Variants in NMBR observed in about 807,000 individuals in gnomAD.
NMBR encodes neuromedin-B receptor.
Under a neutral mutation model 20.5 loss-of-function variants are expected in NMBR, and 16 were observed. The observed-to-expected ratio is 0.78, with a 90% CI of 0.53 to 1.19. The LOEUF is 1.19. NMBR is among the 50% of genes most tolerant of loss of function. The pLI, the probability that NMBR is intolerant of heterozygous loss-of-function variation, is 0.00. For missense variants in NMBR, 582 were observed against 499.1 expected, an observed-to-expected ratio of 1.17 and a Z score of -1.58; for synonymous variants, 212 against 196.6, an observed-to-expected ratio of 1.08 and a Z score of -0.65.
At chr6:142,096,130 G>A (rs1303125025) in intron 1 of NMBR, among the ~76,000 whole-genome samples, 22 of 151,904 alleles carry the variant, frequency 1.4e-4, no homozygotes, top group Admixed American at 3.9e-4. Context: ...TTTTTTGAAG[G>A]GTTTTTTGTG....
rs572193672 is a variant in NMBR at position 142,082,467 on chromosome 6, G to A, written c.423-3564C>T. ...AGTCTAATCTAATGATGCCTAAGACGCATCAATATTCAGAAACACATAGAG... is the reference window on the plus strand; with the variant it reads ...AGTCTAATCTAATGATGCCTAAGACACATCAATATTCAGAAACACATAGAG... On this transcript the variant is annotated intron_variant, in intron 2 of 3. Transcript: ENST00000258042. 5.3e-5 allele frequency among the ~76,000 whole-genome samples: 8 copies of A among 152,256 alleles called. No homozygotes were observed. The East Asian group carries it at 9.7e-4, about 18-fold the overall frequency.
At chr6:142,077,149 G>A (rs1156811258) in intron 3 of NMBR, among the ~76,000 whole-genome samples, 1 of 152,170 alleles carries the variant, frequency 6.6e-6, no homozygotes, top group Non-Finnish European at 1.5e-5. Flanking sequence ...GACCATGAGT[G>A]CAAGAATGTC....
At chr6:142,076,731 T>C (rs11965265) in intron 3 of NMBR, among the ~76,000 whole-genome samples, 4,074 of 152,316 alleles carry the variant, frequency 0.027, 202 homozygotes, top group African/African-American at 0.092. Flanking sequence ...TCAATACTTT[T>C]TAATCTAAAA....
Position 142,076,031 on chromosome 6 carries a change from G to A in NMBR, c.790C>T (p.Leu264=), listed in dbSNP as rs780187314. ...TKKQMETRKR[L]AKIVLVFVGC... is the part of the protein sequence containing the mutation. ...ACAAAGACAAGCACAATTTTAGCCAGGCGTTTCCGTGTTTCCATCTGCAAA... is the reference window on the plus strand; with the variant it reads ...ACAAAGACAAGCACAATTTTAGCCAAGCGTTTCCGTGTTTCCATCTGCAAA... The change falls in exon 4 of 4, where the codon CTG becomes TTG. Residue 264 remains leucine (L), a synonymous_variant. Coordinates refer to ENST00000258042, the MANE Select transcript of NMBR (RefSeq NM_002511.4). 1 of 1,583,930 alleles carries A rather than the reference G, an allele frequency of 6.3e-7. No homozygotes were observed. Among genetic ancestry groups the A allele is most frequent in the African/African-American group, 1.4e-5 (1 of 73,282 alleles).
chr6:142,094,814 C>A (rs941085852), intron 1 of NMBR, among the ~76,000 whole-genome samples: 2 of 152,096 alleles, frequency 1.3e-5, no homozygotes, highest in Non-Finnish European at 2.9e-5. Flanking sequence ...TCTTTGTATC[C>A]TCTTTTATTT....
intron 1 of NMBR, among the ~76,000 whole-genome samples, chr6:142,114,320 T>A (rs1418563942): frequency 6.6e-6 from 1 of 152,166 alleles, no homozygotes; most frequent in Non-Finnish European, 1.5e-5. Context: ...TCATTTTTTT[T>A]AAATAACTAG....
At chr6:142,121,125 T>A (rs1226576685) in intron 1 of NMBR, among the ~76,000 whole-genome samples, 1 of 151,958 alleles carries the variant, frequency 6.6e-6, no homozygotes, top group East Asian at 1.9e-4. Context: ...GATACTACTG[T>A]AATTTTTTCA....
chr6:142,126,757 A>ATTTTTTTTTTTTTTTTTTTT (rs34631481), intron 1 of NMBR, among the ~76,000 whole-genome samples: 1 of 51,362 alleles, frequency 1.9e-5, no homozygotes, highest in African/African-American at 8.2e-5. Flanking sequence ...TATTTGAGGG[A>ATTTTTTTTTTTTTTTTTTTT]TTTTTTTTTT....
At chr6:142,118,968 C>T (rs780794978) in intron 1 of NMBR, among the ~76,000 whole-genome samples, 1 of 151,948 alleles carries the variant, frequency 6.6e-6, no homozygotes, top group African/African-American at 2.4e-5. Flanking sequence ...GAGTTGCCTG[C>T]GTAAAGAAAT....
chr6:142,093,807 G>A lies in NMBR; in HGVS notation c.-663-4486C>T, dbSNP rs1217503108. Among the ~76,000 whole-genome samples, 49 of 151,926 alleles carry A rather than the reference G, an allele frequency of 3.2e-4. 1 individual carries two copies. The highest frequency in any genetic ancestry group is 2.1e-4 in the South Asian group (1 of 4,818). ...ATTCCTATTTTTCCACATCCTCTCC[G>A]ACACCTGTTGTTTCCTGACTTTTTA... On this transcript the variant is annotated intron_variant, in intron 1 of 3. Coordinates refer to ENST00000258042, the MANE Select transcript of NMBR (RefSeq NM_002511.4).
In NMBR at chr6:142,075,919, C is replaced by G; in HGVS notation, c.902G>C (p.Gly301Ala). 6.2e-7 allele frequency: 1 copy of G among 1,613,974 alleles called. No homozygotes were observed. The highest frequency in any genetic ancestry group is 8.5e-7 in the Non-Finnish European group (1 of 1,179,952). The change falls in exon 4 of 4, where the codon GGC becomes GCC. Residue 301 changes from glycine to alanine, a missense_variant. By Grantham distance (60) the Gly-to-Ala change is moderately conservative. Transcript: ENST00000258042. ...FNYNEIDPSLGHMIVTLVARV... is the reference protein window; with the variant it reads ...FNYNEIDPSLAHMIVTLVARV... The stretch of plus-strand genomic sequence containing the variant: ...GGCAACTAAGGTGACAATCATGTGG[C>G]CTAGAGATGGATCAATCTCATTATA...
intron 1 of NMBR, chr6:142,133,184 T>A (rs1314257067): frequency 1.5e-6 from 1 of 687,312 alleles, no homozygotes; most frequent in Non-Finnish European, 2.7e-6. Flanking sequence ...ATCAAAAACT[T>A]CTATGAAGGA....
intron 1 of NMBR, among the ~76,000 whole-genome samples, chr6:142,110,090 A>G (rs769002845): frequency 1.2e-4 from 19 of 152,260 alleles, no homozygotes; most frequent in Non-Finnish European, 2.1e-4. Flanking sequence ...TGGCAAGCAT[A>G]TGAAGAAATT....
At chr6:142,137,315 C>A (rs225610) in intron 1 of NMBR, among the ~76,000 whole-genome samples, 61,542 of 151,638 alleles carry the variant, frequency 0.41, 13,038 homozygotes, top group Middle Eastern at 0.57. Flanking sequence ...TTGGTGTCTA[C>A]GAATGCTTGT....
In NMBR at chr6:142,135,302, A is replaced by G. The variant is rs999515253; in HGVS notation, c.-664+11742T>C. Among the ~76,000 whole-genome samples the G allele has an allele frequency of 4.6e-5, 7 of 152,070 alleles. No homozygotes were observed. The East Asian group carries it at 1.2e-3, about 25-fold the overall frequency. ...GGTCAAAGTCATAATCCAGATATTT[A>G]TATTTCCCTTTCTGTGGAACTATAC... On this transcript the variant is annotated intron_variant, in intron 1 of 3. Transcript: ENST00000258042.
intron 2 of NMBR, 140 bp downstream of exon 2, chr6:142,088,097 A>T: frequency 1.4e-6 from 1 of 737,116 alleles, no homozygotes; most frequent in Non-Finnish European, 2.2e-6. Flanking sequence ...CTTCCCAGGT[A>T]CACACTCTCT....
chr6:142,077,820 A>G (rs956702113), intron 3 of NMBR, among the ~76,000 whole-genome samples: 3 of 152,262 alleles, frequency 2.0e-5, no homozygotes, highest in African/African-American at 7.2e-5. Flanking sequence ...AGCTGTACAC[A>G]AATGTACAAC....
At chr6:142,097,419 G>T (rs1777476181) in intron 1 of NMBR, among the ~76,000 whole-genome samples, 1 of 151,974 alleles carries the variant, frequency 6.6e-6, no homozygotes, top group African/African-American at 2.4e-5. Flanking sequence ...CGCATCATAA[G>T]TTGAAAATAT....
At chr6:142,098,730 A>C (rs1456424229) in intron 1 of NMBR, among the ~76,000 whole-genome samples, 4 of 152,160 alleles carry the variant, frequency 2.6e-5, no homozygotes, top group Non-Finnish European at 2.9e-5. Flanking sequence ...TTCCTTGTCA[A>C]GTTGTAAGTT....
Sources: allele counts gnomAD v4.1 joint callset (sites outside exome capture counted in the v4.1 genomes callset), GRCh38; gene constraint gnomAD v4.1.1; transcripts MANE v1.5; gene names NCBI Gene and HGNC (gene_info 2026-07-23, HGNC 2026-07-21).